Variants in RBMS2 observed in about 807,000 individuals in gnomAD.
RBMS2 encodes the protein RNA binding motif single stranded interacting protein 2, also known as RNA-binding motif, single-stranded-interacting protein 2.
A neutral mutation model predicts 58.4 loss-of-function variants in RBMS2; 38 were observed. The ratio of observed to expected loss-of-function variants is 0.65; its 90% CI spans 0.50 to 0.85. The LOEUF (loss-of-function observed/expected upper bound fraction) is 0.85. Among genes scored for constraint, RBMS2 ranks in the 40% least tolerant of loss-of-function variants. The pLI, the probability that RBMS2 is intolerant of heterozygous loss-of-function variation, is 0.00. For missense variants in RBMS2, 367 were observed against 503.7 expected (o/e 0.73, Z 2.60); for synonymous variants, 151 against 180.7 (o/e 0.84, Z 1.32).
intron 11 of RBMS2, 79 bp from the exon 12 acceptor site, chr12:56,588,214 TA>T: frequency 9.0e-7 from 1 of 1,115,728 alleles, no homozygotes; most frequent in Non-Finnish European, 1.4e-6. Flanking sequence ...CAGGTGTCAG[TA>T]TTTTTTTTAA....
intron 1 of RBMS2, among the ~76,000 whole-genome samples, chr12:56,559,965 G>C (rs1294443588): frequency 1.2e-5 from 1 of 84,624 alleles, no homozygotes; most frequent in African/African-American, 3.2e-5. Flanking sequence ...CACGATTTCA[G>C]CTTACTGCAA....
rs967702736 is a variant in RBMS2, at chr12:56,564,120, G to GT, written c.233+1548dup. 5.5e-3 allele frequency among the ~76,000 whole-genome samples: 785 copies of GT among 143,526 alleles called. 3 individuals are homozygous for GT. Among genetic ancestry groups the GT allele is most frequent in the Non-Finnish European group, 8.9e-3 (579 of 65,124 alleles). 94.2% of individuals were successfully genotyped at this position (143,526 alleles called of 152,430 possible). Reference sequence around the variant, plus strand: ...ACGCCACCACATCGGGCTAATTTTTGTTTTTTTTTTTGCTAGAGATGGGGT... The same window carrying GT: ...ACGCCACCACATCGGGCTAATTTTTGTTTTTTTTTTTTGCTAGAGATGGGGT... On this transcript the variant is annotated intron_variant, in intron 2 of 13. Coordinates refer to ENST00000262031, the MANE Select transcript of RBMS2 (RefSeq NM_002898.4).
intron 1 of RBMS2, among the ~76,000 whole-genome samples, chr12:56,534,580 C>T (rs1038281524): frequency 2.6e-5 from 4 of 152,094 alleles, no homozygotes; most frequent in African/African-American, 9.7e-5. Flanking sequence ...TTATTCCTAC[C>T]ACTCCACCAA....
intron 1 of RBMS2, among the ~76,000 whole-genome samples, chr12:56,546,098 G>T (rs1265728855): frequency 6.7e-6 from 1 of 150,338 alleles, no homozygotes; most frequent in African/African-American, 2.4e-5. Flanking sequence ...ACCACACCTG[G>T]CTAATTTTTG....
intron 1 of RBMS2, among the ~76,000 whole-genome samples, chr12:56,559,166 C>A (rs1396743215): frequency 6.6e-6 from 1 of 151,746 alleles, no homozygotes; most frequent in Non-Finnish European, 1.5e-5. Context: ...AATAGCAACT[C>A]CTTAGAGATA....
chr12:56,533,669 G>A (rs1874226762), intron 1 of RBMS2, among the ~76,000 whole-genome samples: 1 of 151,826 alleles, frequency 6.6e-6, no homozygotes, highest in South Asian at 2.1e-4. Flanking sequence ...GCCCACCTTG[G>A]CCTCCCAAAG....
At chr12:56,576,295 C>T (rs1264449155) in intron 5 of RBMS2, among the ~76,000 whole-genome samples, 1 of 152,042 alleles carries the variant, frequency 6.6e-6, no homozygotes, top group Non-Finnish European at 1.5e-5. Context: ...CAAGATCACA[C>T]CACTGCACTC....
intron 9 of RBMS2, among the ~76,000 whole-genome samples, chr12:56,582,953 G>A (rs565495374): frequency 2.4e-4 from 37 of 152,196 alleles, no homozygotes; most frequent in Middle Eastern, 3.4e-3. Flanking sequence ...ACGCCCAGCC[G>A]TGATCTGGGT....
At chr12:56,530,816 T>C (rs1873600540) in intron 1 of RBMS2, among the ~76,000 whole-genome samples, 1 of 152,134 alleles carries the variant, frequency 6.6e-6, no homozygotes, top group South Asian at 2.1e-4. Context: ...CTCTGATCCT[T>C]TTTGTTGTTG....
chr12:56,550,250 C>A (rs1403955130), intron 1 of RBMS2, among the ~76,000 whole-genome samples: 2 of 152,116 alleles, frequency 1.3e-5, no homozygotes, highest in Non-Finnish European at 1.5e-5. Flanking sequence ...ATAGACTAGA[C>A]CAGGTGCAGT....
At chr12:56,531,626 G>C (rs1216675260) in intron 1 of RBMS2, among the ~76,000 whole-genome samples, 1 of 151,448 alleles carries the variant, frequency 6.6e-6, no homozygotes, top group Admixed American at 6.6e-5. Context: ...AGGAGTTCGA[G>C]ACCAGCCTGG....
At chr12:56,577,592 C>T (rs1026516889) in intron 5 of RBMS2, among the ~76,000 whole-genome samples, 7 of 151,718 alleles carry the variant, frequency 4.6e-5, no homozygotes, top group African/African-American at 7.3e-5. Context: ...CTTACACCTC[C>T]GCTTCCTGAG....
intron 2 of RBMS2, among the ~76,000 whole-genome samples, chr12:56,564,709 C>T (rs903029249): frequency 6.6e-6 from 1 of 152,212 alleles, no homozygotes; most frequent in Non-Finnish European, 1.5e-5. Context: ...CATGATGGCT[C>T]ATGCCTGTAA....
chr12:56,576,041 C>T (rs752680768), intron 5 of RBMS2, among the ~76,000 whole-genome samples: 3 of 151,478 alleles, frequency 2.0e-5, no homozygotes, highest in Non-Finnish European at 4.4e-5. Flanking sequence ...TTCTGAGTAG[C>T]ATGATTAAAT....
In RBMS2 at chr12:56,568,997, AAG is replaced by A; in HGVS notation, c.257_258del (p.Lys86SerfsTer11). The A allele has an allele frequency of 6.2e-7, 1 of 1,613,154 alleles. No individual in the cohort carries two copies. The highest frequency in any genetic ancestry group is 8.5e-7 in the Non-Finnish European group (1 of 1,179,096). On this transcript the variant is annotated frameshift_variant, in exon 3 of 14. Transcript: ENST00000262031. LOFTEE classifies it high-confidence loss of function. ...CQPYGKIVST[K>X]AILDKTTNKC... is the part of the protein sequence containing the mutation. ...TAGATATGGCAAGATTGTTTCCACTAAGGCCATACTGGACAAGACCACAAACA... is the reference window on the plus strand; with the variant it reads ...TAGATATGGCAAGATTGTTTCCACTAGCCATACTGGACAAGACCACAAACA...
At chr12:56,531,816 C>CA (rs58967351) in intron 1 of RBMS2, among the ~76,000 whole-genome samples, 20,327 of 88,140 alleles carry the variant, frequency 0.23, 1,598 homozygotes, top group Middle Eastern at 0.34. Flanking sequence ...GATTCCATTT[C>CA]AAAAAAAAAA....
chr12:56,589,500 G>T lies in RBMS2; in HGVS notation c.*367G>T. ...TCATCTATATGAAAAAGTTTTCGATGTATTGGAATTATTTGGGAATGCTTT... is the reference window on the plus strand; with the variant it reads ...TCATCTATATGAAAAAGTTTTCGATTTATTGGAATTATTTGGGAATGCTTT... On this transcript the variant is annotated 3_prime_UTR_variant, in exon 14 of 14. Transcript: ENST00000262031. 1 of 231,448 alleles carries T rather than the reference G, an allele frequency of 4.3e-6. No homozygotes were observed. Among genetic ancestry groups the T allele is most frequent in the South Asian group, 6.2e-5 (1 of 16,188 alleles). 14.3% of individuals were successfully genotyped at this position (231,448 alleles called of 1,614,324 possible).
intron 1 of RBMS2, among the ~76,000 whole-genome samples, chr12:56,544,301 A>G (rs1440908522): frequency 1.3e-5 from 2 of 152,046 alleles, no homozygotes; most frequent in Non-Finnish European, 2.9e-5. Flanking sequence ...TATGCTGGGC[A>G]GTTATGTGGC....
At chr12:56,586,957 G>A in intron 10 of RBMS2, 31 bp downstream of exon 10, 3 of 1,590,378 alleles carry the variant, frequency 1.9e-6, no homozygotes, top group Non-Finnish European at 2.6e-6. Flanking sequence ...AGAAGCCAAA[G>A]AGGCAATTTG....
Sources: gnomAD v4.1 joint callset for allele counts (sites outside exome capture counted in the v4.1 genomes callset) on GRCh38, gnomAD v4.1.1 for gene constraint, MANE v1.5 for transcripts, NCBI Gene and HGNC (gene_info 2026-07-23, HGNC 2026-07-21) for gene names.